Variants in REC114 observed in about 807,000 individuals in gnomAD.
REC114 encodes REC114 meiotic recombination protein.
In REC114, 27 loss-of-function variants were observed where a neutral mutation model predicts 31.3. That is an observed-to-expected ratio of 0.86 (90% CI 0.64 to 1.19). REC114 has a LOEUF of 1.19. Among genes scored for constraint, REC114 ranks in the 50% most tolerant of loss-of-function variants. The pLI is 0.00. For synonymous variants in REC114, 134 were observed against 127.7 expected, an observed-to-expected ratio of 1.05 and a Z score of -0.33; for missense variants, 344 against 326.9, an observed-to-expected ratio of 1.05 and a Z score of -0.40.
chr15:73,551,209 G>T, intron 4 of REC114, 59 bp downstream of exon 4: 9 of 1,446,350 alleles, frequency 6.2e-6, no homozygotes, highest in Non-Finnish European at 4.7e-6. Flanking sequence ...CACAATGAGT[G>T]GCCAAAATGA....
In REC114 at chr15:73,528,553, A is replaced by T. The variant is rs138957944; in HGVS notation, c.250-11932A>T. 3.6e-3 allele frequency among the ~76,000 whole-genome samples: 545 copies of T among 152,354 alleles called. 1 individual carries two copies. Among genetic ancestry groups the T allele is most frequent in the Non-Finnish European group, 6.1e-3 (418 of 68,044 alleles). On this transcript the variant is annotated intron_variant, in intron 2 of 5. Coordinates refer to ENST00000331090, the MANE Select transcript of REC114 (RefSeq NM_001042367.2). ...GGGACTTTAGGGCAGGGGTTAGCAC[A>T]CAATGCGTGGGACACATCTGGCCCA... is the stretch of plus-strand genomic sequence containing the variant.
chr15:73,556,453 T>C (rs1285745152), intron 5 of REC114, 62 bp downstream of exon 5: 1 of 1,372,244 alleles, frequency 7.3e-7, no homozygotes, highest in Non-Finnish European at 1.0e-6. Context: ...TAAGAATTTG[T>C]ATCCCTTTGT....
chr15:73,547,732 T>G (rs991460012), intron 3 of REC114, among the ~76,000 whole-genome samples: 30 of 152,156 alleles, frequency 2.0e-4, no homozygotes, highest in African/African-American at 7.2e-4. Context: ...ATACACAGAA[T>G]GGGTATAACT....
chr15:73,555,840 T>C (rs1894459203), intron 4 of REC114, among the ~76,000 whole-genome samples: 1 of 151,784 alleles, frequency 6.6e-6, no homozygotes, highest in Non-Finnish European at 1.5e-5. Flanking sequence ...ATTATAGGAG[T>C]TTCCCCCCAT....
At chr15:73,547,037 G>A (rs1402188829) in intron 3 of REC114, among the ~76,000 whole-genome samples, 1 of 152,028 alleles carries the variant, frequency 6.6e-6, no homozygotes, top group Non-Finnish European at 1.5e-5. Context: ...CACAAGTGTA[G>A]ACAACCAAAG....
rs116788432 is a variant in REC114 at position 73,456,767 on chromosome 15, G to C, written c.159+13423G>C. Among the ~76,000 whole-genome samples the C allele has an allele frequency of 2.8e-3, 424 of 152,228 alleles. 1 individual carries two copies. The highest frequency in any genetic ancestry group is 8.8e-3 in the African/African-American group (365 of 41,552). On this transcript the variant is annotated intron_variant, in intron 1 of 5. Coordinates refer to ENST00000331090, the MANE Select transcript of REC114 (RefSeq NM_001042367.2). ...AACACAAAGATAAGTTGAAAAGAAA[G>C]AATTTAGACACTCCTTTTCTTGTCT...
In REC114 at chr15:73,473,885, A is replaced by G. The variant is rs532684389; in HGVS notation, c.213A>G (p.Ser71=). 2.8e-5 allele frequency: 44 copies of G among 1,588,122 alleles called. No homozygotes were observed. The South Asian group carries it at 4.6e-4, about 16-fold the overall frequency. ...ATCTTGTTCTCACCATAGTTATATCAGGTCATTTCTTCATTTTCCAAGGAC... is the reference window on the plus strand; with the variant it reads ...ATCTTGTTCTCACCATAGTTATATCGGGTCATTTCTTCATTTTCCAAGGAC... The part of the protein sequence containing the change: ...SGYLVLTIVI[S]GHFFIFQGQT... The change falls in exon 2 of 6, where the codon TCA becomes TCG. Residue 71 remains serine, a synonymous_variant. Transcript: ENST00000331090.
intron 2 of REC114, among the ~76,000 whole-genome samples, chr15:73,492,423 A>G (rs1164087804): frequency 1.3e-5 from 2 of 152,190 alleles, no homozygotes; most frequent in African/African-American, 4.8e-5. Flanking sequence ...ATTTTTAGCT[A>G]CCACAAATAG....
At chr15:73,485,555 A>G (rs1314572787) in intron 2 of REC114, among the ~76,000 whole-genome samples, 1 of 152,140 alleles carries the variant, frequency 6.6e-6, no homozygotes, top group Non-Finnish European at 1.5e-5. Context: ...ACCTCTTGGT[A>G]CTGTCCTTGA....
At chr15:73,471,500 G>A (rs1284733694) in intron 1 of REC114, among the ~76,000 whole-genome samples, 1 of 152,166 alleles carries the variant, frequency 6.6e-6, no homozygotes, top group East Asian at 1.9e-4. Context: ...GAATGAGAAG[G>A]TTAGGAGTTC....
At chr15:73,550,338 A>T (rs766495081) in intron 3 of REC114, among the ~76,000 whole-genome samples, 2 of 152,146 alleles carry the variant, frequency 1.3e-5, no homozygotes, top group Non-Finnish European at 2.9e-5. Flanking sequence ...TTGCCAAGGG[A>T]TGTGACTCAT....
chr15:73,526,398 G>A (rs547702544), intron 2 of REC114, among the ~76,000 whole-genome samples: 10 of 151,480 alleles, frequency 6.6e-5, no homozygotes, highest in African/African-American at 1.7e-4. Flanking sequence ...CCCTCTTTTC[G>A]TTACTTTTGG....
At chr15:73,531,256 T>C (rs966744278) in intron 2 of REC114, among the ~76,000 whole-genome samples, 1 of 152,140 alleles carries the variant, frequency 6.6e-6, no homozygotes, top group African/African-American at 2.4e-5. Context: ...ACAGACTCAG[T>C]AGGGTTAAGG....
chr15:73,551,503 TTGA>T (rs36070303), intron 4 of REC114, among the ~76,000 whole-genome samples: 6,761 of 152,286 alleles, frequency 0.044, 243 homozygotes, highest in South Asian at 0.096. Flanking sequence ...AACATTTGAA[TTGA>T]TGACACAAAG....
chr15:73,453,098 A>G (rs1031284239), intron 1 of REC114, among the ~76,000 whole-genome samples: 2 of 152,232 alleles, frequency 1.3e-5, no homozygotes, highest in Admixed American at 6.5e-5. Flanking sequence ...CTAAAACACC[A>G]AAAGCAATGG....
At chr15:73,452,825 A>G (rs1471033876) in intron 1 of REC114, among the ~76,000 whole-genome samples, 1 of 152,042 alleles carries the variant, frequency 6.6e-6, no homozygotes, top group East Asian at 1.9e-4. Context: ...CAGAAATAAC[A>G]CCACACATCT....
intron 2 of REC114, among the ~76,000 whole-genome samples, chr15:73,539,727 T>C (rs2141329756): frequency 6.6e-6 from 1 of 152,228 alleles, no homozygotes; most frequent in African/African-American, 2.4e-5. Context: ...TTTTTGCATA[T>C]TGTCAGTTAA....
chr15:73,515,414 G>T (rs1390531574), intron 2 of REC114, among the ~76,000 whole-genome samples: 1 of 152,146 alleles, frequency 6.6e-6, no homozygotes, highest in South Asian at 2.1e-4. Flanking sequence ...TGCAGTTATT[G>T]TATTGGTGAT....
At chr15:73,472,002 G>GAT (rs1183148091) in intron 1 of REC114, among the ~76,000 whole-genome samples, 2 of 152,188 alleles carry the variant, frequency 1.3e-5, no homozygotes, top group Admixed American at 1.3e-4. Context: ...AACACTAGAG[G>GAT]ACCTTCTGGA....
Sources: gnomAD v4.1 joint callset for allele counts (sites outside exome capture counted in the v4.1 genomes callset) on GRCh38, gnomAD v4.1.1 for gene constraint, MANE v1.5 for transcripts, NCBI Gene and HGNC (gene_info 2026-07-23, HGNC 2026-07-21) for gene names.